TCF25: variants seen among roughly 807,000 people sequenced by gnomAD.
TCF25 encodes TCF25 ribosome quality control complex subunit, also known as ribosome quality control complex subunit TCF25.
Under a neutral mutation model 83.1 loss-of-function variants are expected in TCF25, and 41 were observed. That is an observed-to-expected ratio of 0.49 (90% confidence interval 0.38 to 0.64). The LOEUF is 0.64. Ranked by LOEUF, TCF25 falls within the 30% of genes least tolerant of loss-of-function variation. The pLI is 0.00. For missense variants in TCF25, 979 were observed against 914.5 expected (o/e 1.07, Z -0.91); for synonymous variants, 458 against 365.0 (o/e 1.25, Z -2.90).
At chr16:89,893,532 G>A (rs2043591497) in intron 6 of TCF25, among the ~76,000 whole-genome samples, 196 bp from the exon 7 acceptor site, 1 of 152,200 alleles carries the variant, frequency 6.6e-6, no homozygotes, top group South Asian at 2.1e-4. Context: ...ACGGGATGCC[G>A]TCTCCTGGTG....
chr16:89,900,963 C>T, intron 12 of TCF25, 169 bp downstream of exon 12: 1 of 787,232 alleles, frequency 1.3e-6, no homozygotes, highest in Non-Finnish European at 1.8e-6. Flanking sequence ...AGAGGGTCGG[C>T]TCATCTCGGA....
chr16:89,892,360 G>T, intron 6 of TCF25, 85 bp downstream of exon 6: 6 of 1,437,438 alleles, frequency 4.2e-6, no homozygotes, highest in South Asian at 3.8e-5. Context: ...CCAGGTGAGG[G>T]TCTGCAGAGG....
Position 89,895,001 on chromosome 16 carries a change from A to G in TCF25, c.829-37A>G, listed in dbSNP as rs750653818. 7 of 1,587,692 alleles carry G rather than the reference A, an allele frequency of 4.4e-6. No individual in the cohort carries two copies. In the African/African-American group the frequency reaches 8.1e-5, roughly 18 times the overall value. On this transcript the variant is annotated intron_variant, in intron 7 of 17. Coordinates refer to ENST00000263346, the MANE Select transcript of TCF25 (RefSeq NM_014972.3). The stretch of plus-strand genomic sequence containing the variant: ...ATGCCTGGGAGCTGGGGCCTTGCTG[A>G]GTGCCTTTCCTCCAGGGCTGTCCTC...
At chr16:89,900,562 A>G in intron 11 of TCF25, 73 bp from the exon 12 acceptor site, 1 of 1,489,928 alleles carries the variant, frequency 6.7e-7, no homozygotes, top group Non-Finnish European at 9.1e-7. Flanking sequence ...TGGTGATGTC[A>G]GAGCGTCTGC....
chr16:89,892,229 A>G lies in TCF25; in HGVS notation c.651A>G (p.Thr217=), dbSNP rs776276150. 3 of 1,613,142 alleles carry G rather than the reference A, an allele frequency of 1.9e-6. No individual in the cohort carries two copies. Among genetic ancestry groups the G allele is most frequent in the Non-Finnish European group, 2.5e-6 (3 of 1,179,760 alleles). ...RQRQRVYPKC[T]WLTTPKSTWP... ...GACAACGTGTGTACCCCAAGTGCAC[A>G]TGGCTGACCACCCCTAAAAGCACCT... Residue 217 remains threonine (T), a synonymous_variant, in exon 6 of 18, where the codon ACA becomes ACG. Transcript: ENST00000263346.
chr16:89,904,305 A>G (rs576927508), intron 13 of TCF25, 100 bp downstream of exon 13: 3 of 1,324,436 alleles, frequency 2.3e-6, no homozygotes, highest in South Asian at 1.3e-5. Context: ...ACCTGCTTCC[A>G]GCAGCAGGAG....
chr16:89,897,028 CAA>C (rs764860042), intron 9 of TCF25, among the ~76,000 whole-genome samples: 8 of 126,858 alleles, frequency 6.3e-5, no homozygotes, highest in Non-Finnish European at 3.4e-5. Context: ...CCTTGTCTCT[CAA>C]AAAAAAAAAA....
intron 11 of TCF25, among the ~76,000 whole-genome samples, chr16:89,899,689 T>C (rs1007310821): frequency 8.6e-5 from 13 of 151,762 alleles, no homozygotes; most frequent in Non-Finnish European, 1.9e-4. Flanking sequence ...GATCGCGCCA[T>C]TGCACTCCAG....
Position 89,911,251 on chromosome 16 carries a change from G to A in TCF25, c.*13G>A, listed in dbSNP as rs1165167828. On this transcript the variant is annotated 3_prime_UTR_variant, in exon 18 of 18. Transcript: ENST00000263346. ...GGAGTGGGACTGAGCGTCCGCAGAG[G>A]TGACCGAAAAGCCGTATGATGATGT... The A allele has an allele frequency of 6.2e-7, 1 of 1,611,738 alleles. No individual in the cohort carries two copies. Among genetic ancestry groups the A allele is most frequent in the Non-Finnish European group, 8.5e-7 (1 of 1,179,456 alleles).
In TCF25 at chr16:89,873,788, C is replaced by G. The variant is rs1275124555; in HGVS notation, c.121C>G (p.Arg41Gly). The G allele has an allele frequency of 6.2e-7, 1 of 1,603,390 alleles. No homozygotes were observed. Among genetic ancestry groups the G allele is most frequent in the Non-Finnish European group, 8.5e-7 (1 of 1,175,844 alleles). Residue 41 changes from arginine (R) to glycine (G), a missense_variant, in exon 1 of 18, where the codon CGG becomes GGG. By Grantham distance (125) the Arg-to-Gly change is moderately radical. Transcript: ENST00000263346. ...DDDAEEEGPKRELGVRRPGGA... is the reference protein window; with the variant it reads ...DDDAEEEGPKGELGVRRPGGA... Reference sequence around the variant, plus strand: ...TGACGCGGAAGAAGAAGGGCCCAAGCGGGAGCTTGGTGTCCGGCGTCCCGG... The same window carrying G: ...TGACGCGGAAGAAGAAGGGCCCAAGGGGGAGCTTGGTGTCCGGCGTCCCGG...
chr16:89,889,270 T>A (rs1199895260), intron 5 of TCF25: 1 of 393,824 alleles, frequency 2.5e-6, no homozygotes, highest in African/African-American at 2.1e-5. Flanking sequence ...TTTGAACTCG[T>A]GGCCTCAAGT....
intron 1 of TCF25, chr16:89,878,341 T>C: frequency 2.1e-6 from 2 of 948,328 alleles, no homozygotes; most frequent in Non-Finnish European, 2.7e-6. Context: ...ATCCCAGCAC[T>C]GTGGGAGGCC....
At chr16:89,899,188 C>G (rs961853697) in intron 11 of TCF25, among the ~76,000 whole-genome samples, 1 of 152,122 alleles carries the variant, frequency 6.6e-6, no homozygotes, top group Admixed American at 6.6e-5. Flanking sequence ...CGACAACTCC[C>G]GAGCTCCTCA....
At chr16:89,873,981 C>A in intron 1 of TCF25, 122 bp downstream of exon 1, 1 of 1,254,254 alleles carries the variant, frequency 8.0e-7, no homozygotes, top group Non-Finnish European at 1.1e-6. Context: ...TGACGTGGGT[C>A]CCAGCCGCAG....
At chr16:89,900,167 T>C (rs1453899632) in intron 11 of TCF25, among the ~76,000 whole-genome samples, 2 of 150,882 alleles carry the variant, frequency 1.3e-5, no homozygotes, top group East Asian at 1.9e-4. Flanking sequence ...GTCTACAATA[T>C]GTGACATAGG....
Position 89,907,258 on chromosome 16 carries a change from T to A in TCF25, c.1735T>A (p.Ser579Thr), listed in dbSNP as rs375279743. ...AALPPDVTTQ[S>T]VMGFDPLPPS... is the part of the protein sequence containing the mutation. ...CTTTCTGAAGGACGTGACCACGCAGTCTGTGATGGGGTTTGATCCTCTGCC... is the reference window on the plus strand; with the variant it reads ...CTTTCTGAAGGACGTGACCACGCAGACTGTGATGGGGTTTGATCCTCTGCC... Residue 579 changes from serine to threonine, a missense_variant, in exon 16 of 18, where the codon TCT becomes ACT. Coordinates refer to ENST00000263346, the MANE Select transcript of TCF25 (RefSeq NM_014972.3). 4.6e-5 allele frequency: 74 copies of A among 1,612,916 alleles called. No individual in the cohort carries two copies. Among genetic ancestry groups the A allele is most frequent in the African/African-American group, 4.1e-4 (31 of 74,882 alleles).
Position 89,896,123 on chromosome 16 carries a change from C to T in TCF25, c.1022+40C>T, listed in dbSNP as rs752225586. 1.6e-5 allele frequency: 26 copies of T among 1,591,716 alleles called. No individual in the cohort carries two copies. The South Asian group carries it at 2.4e-4, about 15-fold the overall frequency. Reference sequence around the variant, plus strand: ...CCTGGAGGTGACGCAGCTCCCCTTCCCTTCTCCTGCGAGTGAGGCTGGGGG... The same window carrying T: ...CCTGGAGGTGACGCAGCTCCCCTTCTCTTCTCCTGCGAGTGAGGCTGGGGG... On this transcript the variant is annotated intron_variant, in intron 9 of 17. Coordinates refer to ENST00000263346, the MANE Select transcript of TCF25 (RefSeq NM_014972.3).
intron 16 of TCF25, chr16:89,908,866 CT>C (rs2045305945): frequency 8.3e-7 from 1 of 1,200,156 alleles, no homozygotes; most frequent in Non-Finnish European, 1.1e-6. Context: ...TCCTGCAGCT[CT>C]GAGGTCAGGG....
intron 5 of TCF25, among the ~76,000 whole-genome samples, chr16:89,888,509 A>T (rs1263434469): frequency 6.6e-6 from 1 of 151,580 alleles, no homozygotes; most frequent in Non-Finnish European, 1.5e-5. Flanking sequence ...GAATCGCTTG[A>T]AACCGGAGGC....
Sources: allele counts gnomAD v4.1 joint callset (sites outside exome capture counted in the v4.1 genomes callset), GRCh38; gene constraint gnomAD v4.1.1; transcripts MANE v1.5; gene names NCBI Gene and HGNC (gene_info 2026-07-23, HGNC 2026-07-21).